Variants in CA10 observed in about 807,000 individuals in gnomAD.
CA10 encodes the protein carbonic anhydrase-related protein 10.
CA10 carries 14 observed loss-of-function variants against 44.2 expected under a neutral mutation model. The ratio of observed to expected loss-of-function variants is 0.32; its 90% confidence interval spans 0.21 to 0.50. The LOEUF (loss-of-function observed/expected upper bound fraction) is 0.50, where lower values mean the gene tolerates loss of function less well. CA10 is among the 20% of genes least tolerant of loss of function. The pLI is 0.99. For synonymous variants in CA10, 159 were observed against 141.6 expected, an observed-to-expected ratio of 1.12 and a Z score of -0.87; for missense variants, 350 against 409.7, an observed-to-expected ratio of 0.85 and a Z score of 1.26.
intron 4 of CA10, among the ~76,000 whole-genome samples, chr17:51,735,529 G>A (rs533197597): frequency 7.1e-5 from 10 of 141,304 alleles, no homozygotes; most frequent in East Asian, 6.5e-4. Context: ...CCCCCACCCC[G>A]AATCTAAAAT....
intron 3 of CA10, among the ~76,000 whole-genome samples, chr17:51,795,743 G>T (rs1906680484): frequency 6.6e-6 from 1 of 152,194 alleles, no homozygotes; most frequent in South Asian, 2.1e-4. Flanking sequence ...GCTGACCCCA[G>T]GGAGGCACAA....
intron 2 of CA10, among the ~76,000 whole-genome samples, chr17:51,932,189 G>A (rs933308187): frequency 2.6e-5 from 4 of 152,194 alleles, no homozygotes; most frequent in Admixed American, 6.5e-5. Context: ...ATGAGACTCC[G>A]GATGAGGGGA....
intron 4 of CA10, among the ~76,000 whole-genome samples, chr17:51,707,109 G>A (rs116487362): frequency 0.023 from 3,522 of 151,912 alleles, 157 homozygotes; most frequent in African/African-American, 0.08. Flanking sequence ...GTTGTTCCTC[G>A]GTGCCTAGAT....
chr17:52,017,337 T>A (rs1265108687), intron 2 of CA10, among the ~76,000 whole-genome samples: 1 of 152,112 alleles, frequency 6.6e-6, no homozygotes, highest in East Asian at 1.9e-4. Flanking sequence ...GTTAAGTGGT[T>A]GTGACCAAAA....
chr17:51,918,561 GTGGGT>G (rs1982095249), intron 3 of CA10, among the ~76,000 whole-genome samples: 1 of 152,152 alleles, frequency 6.6e-6, no homozygotes, highest in Non-Finnish European at 1.5e-5. Context: ...AATGTTTCAT[GTGGGT>G]TAGAGCATGC....
intron 2 of CA10, among the ~76,000 whole-genome samples, chr17:52,048,633 A>G (rs1431424359): frequency 6.6e-6 from 1 of 152,054 alleles, no homozygotes; most frequent in East Asian, 1.9e-4. Flanking sequence ...ACAGGCAGGT[A>G]TAGGAGCCCT....
intron 5 of CA10, among the ~76,000 whole-genome samples, chr17:51,649,741 G>A (rs555650198): frequency 1.6e-4 from 25 of 152,294 alleles, no homozygotes; most frequent in Non-Finnish European, 3.2e-4. Flanking sequence ...GATAGGAAGT[G>A]AGCCTAGAAA....
At chr17:52,109,306 T>C (rs1056985492) in intron 1 of CA10, among the ~76,000 whole-genome samples, 20 of 152,382 alleles carry the variant, frequency 1.3e-4, no homozygotes, top group Admixed American at 1.3e-3. Flanking sequence ...ATGCTAGGGC[T>C]GTATGGATGC....
intron 3 of CA10, among the ~76,000 whole-genome samples, chr17:51,765,185 G>A (rs886625658): frequency 6.6e-6 from 1 of 152,140 alleles, no homozygotes; most frequent in East Asian, 1.9e-4. Flanking sequence ...ATCTGTACCA[G>A]AGAAGTTTTC....
chr17:52,108,191 T>TTTATATATATATATATATATA (rs1567735840), intron 1 of CA10, among the ~76,000 whole-genome samples: 1 of 61,348 alleles, frequency 1.6e-5, no homozygotes, highest in Non-Finnish European at 2.5e-5. Flanking sequence ...ATATATATAT[T>TTTATATATATATATATATATA]TTTTATATAT....
At chr17:52,057,194 T>C (rs965509969) in intron 2 of CA10, among the ~76,000 whole-genome samples, 4 of 152,076 alleles carry the variant, frequency 2.6e-5, no homozygotes, top group Non-Finnish European at 2.9e-5. Flanking sequence ...GTGAGCTACG[T>C]AGGTCGACTT....
At chr17:51,858,049 ATAAC>A (rs1405980522) in intron 3 of CA10, among the ~76,000 whole-genome samples, 1 of 152,156 alleles carries the variant, frequency 6.6e-6, no homozygotes, top group African/African-American at 2.4e-5. Flanking sequence ...ACATGCAACT[ATAAC>A]TATATTATTA....
At chr17:52,071,103 G>C (rs545555972) in intron 2 of CA10, among the ~76,000 whole-genome samples, 2 of 152,072 alleles carry the variant, frequency 1.3e-5, no homozygotes, top group Non-Finnish European at 2.9e-5. Context: ...TGTCAATATT[G>C]TTTCACATGA....
At chr17:51,959,330 C>T (rs1040337938) in intron 2 of CA10, among the ~76,000 whole-genome samples, 1 of 124,166 alleles carries the variant, frequency 8.1e-6, no homozygotes, top group African/African-American at 3.0e-5. Context: ...GTGTGTGAAT[C>T]GTCATTAATT....
chr17:51,701,497 A>T (rs923944043), intron 4 of CA10, among the ~76,000 whole-genome samples: 2 of 151,738 alleles, frequency 1.3e-5, no homozygotes, highest in Non-Finnish European at 2.9e-5. Context: ...TATTTTTTTT[A>T]TGTTTCTTGT....
At chr17:51,886,054 C>T (rs1462515120) in intron 3 of CA10, among the ~76,000 whole-genome samples, 1 of 152,146 alleles carries the variant, frequency 6.6e-6, no homozygotes, top group Non-Finnish European at 1.5e-5. Flanking sequence ...CAAAGGAGAA[C>T]ACAAAATAGA....
intron 3 of CA10, among the ~76,000 whole-genome samples, chr17:51,914,247 G>C (rs1423929777): frequency 9.3e-6 from 1 of 107,736 alleles, no homozygotes; most frequent in African/African-American, 3.4e-5. Flanking sequence ...AGGAAGAGAG[G>C]CTGCAGAGGA....
intron 2 of CA10, among the ~76,000 whole-genome samples, chr17:52,060,636 G>T (rs904130241): frequency 8.5e-5 from 13 of 152,246 alleles, no homozygotes; most frequent in Non-Finnish European, 1.2e-4. Flanking sequence ...CCAAATGCTA[G>T]ATCATGTCTA....
At chr17:52,056,747 A>C (rs912430472) in intron 2 of CA10, among the ~76,000 whole-genome samples, 29 of 151,936 alleles carry the variant, frequency 1.9e-4, no homozygotes, top group African/African-American at 7.0e-4. Flanking sequence ...TCCCATTATC[A>C]TACAACCACC....
Sources: allele counts gnomAD v4.1 joint callset (sites outside exome capture counted in the v4.1 genomes callset), GRCh38; gene constraint gnomAD v4.1.1; transcripts MANE v1.5; gene names NCBI Gene and HGNC (gene_info 2026-07-23, HGNC 2026-07-21).